The following SMAD1 variants were observed in gnomAD, a reference collection of about 807,000 sequenced individuals.
SMAD1 encodes the protein SMAD family member 1.
Under a neutral mutation model 41.6 loss-of-function variants are expected in SMAD1, and 6 were observed. That is an observed-to-expected ratio of 0.14 (90% CI 0.08 to 0.28). SMAD1 has a LOEUF of 0.28. SMAD1 is among the 10% of genes least tolerant of loss of function. The probability of loss-of-function intolerance (pLI) is 1.00; values close to 1 mark genes in which losing one functional copy is unlikely to be tolerated. For missense variants in SMAD1, 379 were observed against 582.6 expected, an observed-to-expected ratio of 0.65 and a Z score of 3.60; for synonymous variants, 206 against 203.2, an observed-to-expected ratio of 1.01 and a Z score of -0.12.
chr4:145,509,082 A>G (rs1176558895), intron 1 of SMAD1, among the ~76,000 whole-genome samples: 1 of 152,220 alleles, frequency 6.6e-6, no homozygotes, highest in East Asian at 1.9e-4. Context: ...AGGTAAATGC[A>G]CAGCACATGG....
At chr4:145,546,577 A>G (rs1732263934) in intron 4 of SMAD1, 126 bp from the exon 5 acceptor site, 1 of 722,554 alleles carries the variant, frequency 1.4e-6, no homozygotes, top group South Asian at 1.6e-5. Flanking sequence ...AACTGTATAC[A>G]TTATAATAGC....
At chr4:145,543,130 C>T (rs2126523063) in intron 4 of SMAD1, among the ~76,000 whole-genome samples, 1 of 152,206 alleles carries the variant, frequency 6.6e-6, no homozygotes, top group South Asian at 2.1e-4. Flanking sequence ...TCACGCCCGA[C>T]TAATTTTTGT....
intron 1 of SMAD1, among the ~76,000 whole-genome samples, chr4:145,492,617 T>C (rs1728830930): frequency 6.6e-6 from 1 of 152,168 alleles, no homozygotes. Context: ...GCATGATTGA[T>C]TATACCATTG....
intron 4 of SMAD1, chr4:145,546,225 GC>G (rs1732243755): frequency 6.2e-6 from 1 of 162,570 alleles, no homozygotes; most frequent in African/African-American, 2.4e-5. Context: ...CTTTGAATAA[GC>G]ATAGGCATAC....
intron 2 of SMAD1, among the ~76,000 whole-genome samples, chr4:145,522,362 G>C (rs1337348161): frequency 6.6e-6 from 1 of 152,166 alleles, no homozygotes; most frequent in African/African-American, 2.4e-5. Context: ...AGCACTGTGG[G>C]AGGCCAAGGC....
intron 1 of SMAD1, among the ~76,000 whole-genome samples, chr4:145,488,200 G>C (rs892318655): frequency 1.3e-5 from 2 of 151,908 alleles, no homozygotes; most frequent in Non-Finnish European, 2.9e-5. Context: ...CAATAAGCCT[G>C]GATCTGAAGA....
At chr4:145,481,724 G>C (rs1037637590), upstream of SMAD1, 1 of 180,662 alleles carries the variant, frequency 5.5e-6, no homozygotes, top group African/African-American at 2.4e-5. Flanking sequence ...CTGGTCGCGC[G>C]GCAGCGGCGG....
chr4:145,559,016 T>C lies in SMAD1; in HGVS notation c.*1082T>C, dbSNP rs1732994427. On this transcript the variant is annotated 3_prime_UTR_variant, in exon 7 of 7. Transcript: ENST00000302085. Reference sequence around the variant, plus strand: ...CCCAGTTTGAATTCATTTCAAACTTTTTAAATTTTTTTGTACTATGTTTGG... The same window carrying C: ...CCCAGTTTGAATTCATTTCAAACTTCTTAAATTTTTTTGTACTATGTTTGG... Among the ~76,000 whole-genome samples the C allele has an allele frequency of 6.6e-6, 1 of 152,206 alleles. No homozygotes were observed. The highest frequency in any genetic ancestry group is 2.1e-4 in the South Asian group (1 of 4,822).
At chr4:145,524,411 C>T (rs1730920418) in intron 2 of SMAD1, among the ~76,000 whole-genome samples, 1 of 151,980 alleles carries the variant, frequency 6.6e-6, no homozygotes, top group Middle Eastern at 3.4e-3. Context: ...ACTGTTTCAG[C>T]CATTACTGTA....
chr4:145,507,258 C>T lies in SMAD1; in HGVS notation c.-176-7180C>T, dbSNP rs114387284. ...GAAGTTACATTTTTTCATTAAAGAA[C>T]GTTTGAAAAGTTTAGAAAAGGAGGA... On this transcript the variant is annotated intron_variant, in intron 1 of 6. Coordinates refer to ENST00000302085, the MANE Select transcript of SMAD1 (RefSeq NM_005900.3). 3.8e-3 allele frequency among the ~76,000 whole-genome samples: 570 copies of T among 151,074 alleles called. 5 individuals are homozygous for T. The highest frequency in any genetic ancestry group is 0.017 in the Middle Eastern group (5 of 290).
intron 5 of SMAD1, among the ~76,000 whole-genome samples, chr4:145,552,644 T>C (rs1732612858): frequency 1.3e-5 from 2 of 152,194 alleles, no homozygotes; most frequent in Admixed American, 6.5e-5. Flanking sequence ...GTTTTTTTAC[T>C]GGATCTTATA....
chr4:145,529,031 A>G lies in SMAD1; in HGVS notation c.401-10773A>G, dbSNP rs1486304535. Among the ~76,000 whole-genome samples the G allele has an allele frequency of 2.0e-5, 3 of 152,230 alleles. No homozygotes were observed. In the East Asian group the frequency reaches 5.8e-4, roughly 29 times the overall value. On this transcript the variant is annotated intron_variant, in intron 2 of 6. Transcript: ENST00000302085. ...TTGGTATGTGGCACTTGGTACACAC[A>G]TGTATAAGCACCATATTAAAAGAAA...
At chr4:145,519,088 CTT>C (rs771498383) in intron 2 of SMAD1, among the ~76,000 whole-genome samples, 4 of 34,902 alleles carry the variant, frequency 1.1e-4, no homozygotes, top group African/African-American at 3.6e-4. Context: ...GTTTGGTTGG[CTT>C]TTTTTTTTTT....
intron 1 of SMAD1, among the ~76,000 whole-genome samples, chr4:145,488,477 T>TGA (rs376648338): frequency 3.7e-5 from 1 of 26,834 alleles, no homozygotes; most frequent in African/African-American, 2.4e-4. Context: ...CCTGTCTTTT[T>TGA]GTGTGTGTGT....
chr4:145,553,900 T>G lies in SMAD1; in HGVS notation c.1114T>G (p.Cys372Gly). The change falls in exon 6 of 7, where the codon TGC becomes GGC. Residue 372 changes from cysteine (C) to glycine (G), a missense_variant. Cys to Gly is a radical substitution (Grantham distance 159). Around this residue, in one of 3 missense-constraint regions of SMAD1, gnomAD observed 107 missense variants for 218.3 expected, o/e 0.49. Transcript: ENST00000302085. ...YHHGFHPTTV[C>G]KIPSGCSLKI... ...TCATGGATTTCATCCTACTACTGTT[T>G]GCAAGATCCCTAGTGGGTGTAGTCT... 1 of 1,614,220 alleles carries G rather than the reference T, an allele frequency of 6.2e-7. No homozygotes were observed. Among genetic ancestry groups the G allele is most frequent in the Non-Finnish European group, 8.5e-7 (1 of 1,180,036 alleles).
chr4:145,556,423 A>T (rs1198747379), intron 6 of SMAD1, among the ~76,000 whole-genome samples: 1 of 152,030 alleles, frequency 6.6e-6, no homozygotes, highest in African/African-American at 2.4e-5. Context: ...TAGTTCATAC[A>T]AGTTCTGATG....
chr4:145,512,873 G>A (rs1217233349), intron 1 of SMAD1, among the ~76,000 whole-genome samples: 2 of 152,146 alleles, frequency 1.3e-5, no homozygotes, highest in African/African-American at 4.8e-5. Context: ...AGCTGTTAGA[G>A]AGCAATACCC....
intron 1 of SMAD1, among the ~76,000 whole-genome samples, chr4:145,507,080 T>A (rs568274060): frequency 4.0e-5 from 6 of 151,844 alleles, no homozygotes; most frequent in African/African-American, 7.2e-5. Context: ...TACATTATAT[T>A]TTTTTTGCTT....
chr4:145,523,961 G>A (rs559916906), intron 2 of SMAD1, among the ~76,000 whole-genome samples: 7 of 152,158 alleles, frequency 4.6e-5, no homozygotes, highest in East Asian at 1.9e-4. Flanking sequence ...GTGCAGTGGC[G>A]CAGTCATAGC....
Sources: allele counts gnomAD v4.1 joint callset (sites outside exome capture counted in the v4.1 genomes callset), GRCh38; gene constraint gnomAD v4.1.1; regional missense constraint gnomAD v4.1.1; transcripts MANE v1.5; gene names NCBI Gene and HGNC (gene_info 2026-07-23, HGNC 2026-07-21).